ERG: variants seen among roughly 807,000 people sequenced by gnomAD.
ERG encodes ETS transcription factor ERG, also known as transcriptional regulator ERG.
In ERG, 9 loss-of-function variants were observed where a neutral mutation model predicts 55.3. The observed-to-expected ratio is 0.16, with a 90% CI of 0.10 to 0.28. ERG has a LOEUF of 0.28. ERG is among the 10% of genes least tolerant of loss of function. ERG has a pLI of 1.00. For synonymous variants in ERG, 223 were observed against 237.3 expected, an observed-to-expected ratio of 0.94 and a Z score of 0.55; for missense variants, 434 against 631.6, an observed-to-expected ratio of 0.69 and a Z score of 3.35.
intron 2 of ERG, among the ~76,000 whole-genome samples, chr21:38,504,695 GCATCCCACT>G (rs1349246849): frequency 6.6e-6 from 1 of 152,118 alleles, no homozygotes; most frequent in African/African-American, 2.4e-5. Flanking sequence ...CATCTGACTG[GCATCCCACT>G]CTACCCCCGA....
At chr21:38,394,084 T>C (rs1988093665) in intron 6 of ERG, among the ~76,000 whole-genome samples, 1 of 152,170 alleles carries the variant, frequency 6.6e-6, no homozygotes, top group Admixed American at 6.5e-5. Flanking sequence ...GAGTTTCAAT[T>C]TGCAAATTGT....
intron 2 of ERG, among the ~76,000 whole-genome samples, chr21:38,513,667 A>C (rs1221039157): frequency 6.6e-6 from 1 of 152,190 alleles, no homozygotes; most frequent in Non-Finnish European, 1.5e-5. Flanking sequence ...CAGAAGAGTA[A>C]ATATGAAGTG....
In ERG at chr21:38,381,734, A is replaced by G. The variant is rs1488916269; in HGVS notation, c.*1669T>C. 1.3e-5 allele frequency: 14 copies of G among 1,063,462 alleles called. No homozygotes were observed. Among genetic ancestry groups the G allele is most frequent in the Non-Finnish European group, 1.6e-5 (14 of 878,240 alleles). 65.9% of individuals were successfully genotyped at this position (1,063,462 alleles called of 1,614,324 possible). A position where few individuals can be genotyped will look rare whatever the true frequency, so the allele number is the denominator to read the frequency against. The stretch of plus-strand genomic sequence containing the variant: ...TGCTGAACTAGAATTTCTCAATGAC[A>G]ACCCCAGCTTCATAGGCCTCTTTCC... On this transcript the variant is annotated 3_prime_UTR_variant, in exon 10 of 10. Transcript: ENST00000288319.
intron 1 of ERG, among the ~76,000 whole-genome samples, chr21:38,646,460 A>T (rs2060457448): frequency 6.6e-6 from 1 of 152,076 alleles, no homozygotes; most frequent in Non-Finnish European, 1.5e-5. Context: ...ACTCAAACAG[A>T]ATGTTAGATT....
At chr21:38,635,663 T>A (rs950998818) in intron 1 of ERG, among the ~76,000 whole-genome samples, 1 of 152,206 alleles carries the variant, frequency 6.6e-6, no homozygotes, top group Non-Finnish European at 1.5e-5. Flanking sequence ...TTATTGAGCA[T>A]AAAATACAAT....
chr21:38,530,851 A>G (rs1260646119), intron 2 of ERG, among the ~76,000 whole-genome samples: 1 of 152,212 alleles, frequency 6.6e-6, no homozygotes, highest in East Asian at 1.9e-4. Flanking sequence ...TTTTGTAATG[A>G]TGTCTAAAGA....
intron 1 of ERG, among the ~76,000 whole-genome samples, chr21:38,620,387 T>C (rs2060283315): frequency 6.6e-6 from 1 of 152,206 alleles, no homozygotes; most frequent in Admixed American, 6.5e-5. Context: ...ACCTGACTTC[T>C]GGCTTCTAAC....
intron 3 of ERG, among the ~76,000 whole-genome samples, chr21:38,406,091 C>T (rs1052187425): frequency 7.1e-6 from 1 of 141,066 alleles, no homozygotes; most frequent in Non-Finnish European, 1.5e-5. Flanking sequence ...GGAGGTGGAG[C>T]TTGCAGTGAG....
chr21:38,491,417 A>T (rs1473302040), intron 1 of ERG, among the ~76,000 whole-genome samples: 3 of 152,238 alleles, frequency 2.0e-5, no homozygotes, highest in Non-Finnish European at 4.4e-5. Context: ...ATTTTAAATC[A>T]TCAAGGCAGA....
At chr21:38,441,620 G>C (rs1039333043) in intron 2 of ERG, among the ~76,000 whole-genome samples, 1 of 152,214 alleles carries the variant, frequency 6.6e-6, no homozygotes, top group Non-Finnish European at 1.5e-5. Context: ...AGCTCTGGGG[G>C]AGACGGGCAT....
chr21:38,445,349 G>T, intron 2 of ERG, 55 bp downstream of exon 2: 1 of 1,446,702 alleles, frequency 6.9e-7, no homozygotes, highest in Non-Finnish European at 9.6e-7. Flanking sequence ...CTTTGCCTTT[G>T]CAAAGGATAG....
chr21:38,624,455 TA>T (rs1260462844), intron 1 of ERG, among the ~76,000 whole-genome samples: 1 of 151,904 alleles, frequency 6.6e-6, no homozygotes, highest in Non-Finnish European at 1.5e-5. Context: ...GAACTTAAAG[TA>T]AAACAAAAAA....
At chr21:38,585,532 C>CTTTTTTTT (rs760791568), upstream of ERG, among the ~76,000 whole-genome samples, 473 of 59,232 alleles carry the variant, frequency 8.0e-3, 85 homozygotes, top group African/African-American at 0.021. Flanking sequence ...TCTCTCTCTT[C>CTTTTTTTT]TTTTTTTTTT....
chr21:38,503,200 T>C (rs541948694), upstream of ERG, among the ~76,000 whole-genome samples: 227 of 152,262 alleles, frequency 1.5e-3, 1 homozygote, highest in Admixed American at 2.5e-3. Flanking sequence ...AATTATATCC[T>C]AATATAAAAA....
At chr21:38,379,546 A>G (rs1987335054), downstream of ERG, among the ~76,000 whole-genome samples, 1 of 152,182 alleles carries the variant, frequency 6.6e-6, no homozygotes, top group Non-Finnish European at 1.5e-5. Context: ...TGCTTCCTGC[A>G]GAAGTTTGTA....
chr21:38,520,032 C>T (rs11701866), intron 2 of ERG, among the ~76,000 whole-genome samples: 17,127 of 69,102 alleles, frequency 0.25, 1,175 homozygotes, highest in Middle Eastern at 0.31. Flanking sequence ...CACACACACA[C>T]AACAAAAACA....
intron 1 of ERG, 72 bp from the exon 2 acceptor site, chr21:38,445,693 C>T: frequency 7.8e-7 from 1 of 1,282,524 alleles, no homozygotes; most frequent in Admixed American, 1.8e-5. Context: ...TTGTTGATTT[C>T]AGAGTCCTTT....
chr21:38,468,496 TG>T (rs1385499919), intron 1 of ERG, among the ~76,000 whole-genome samples: 1 of 152,156 alleles, frequency 6.6e-6, no homozygotes, highest in African/African-American at 2.4e-5. Context: ...ACAAGAATCA[TG>T]GGATGAATTG....
chr21:38,521,730 G>A (rs1206015190), intron 2 of ERG, among the ~76,000 whole-genome samples: 1 of 152,188 alleles, frequency 6.6e-6, no homozygotes, highest in Non-Finnish European at 1.5e-5. Flanking sequence ...AGACACAATG[G>A]TGACAAAGCT....
Sources: allele counts gnomAD v4.1 joint callset (sites outside exome capture counted in the v4.1 genomes callset), GRCh38; gene constraint gnomAD v4.1.1; transcripts MANE v1.5; gene names NCBI Gene and HGNC (gene_info 2026-07-23, HGNC 2026-07-21).